ATP8A2: variants seen among roughly 807,000 people sequenced by gnomAD.
ATP8A2 encodes the protein phospholipid-transporting ATPase IB.
Under a neutral mutation model 165.6 loss-of-function variants are expected in ATP8A2, and 100 were observed. The ratio of observed to expected loss-of-function variants is 0.60; its 90% CI spans 0.51 to 0.71. The LOEUF is 0.71. Ranked by LOEUF, ATP8A2 falls within the 30% of genes least tolerant of loss-of-function variation. The pLI is 0.00. For missense variants in ATP8A2, 1,227 were observed against 1,479.5 expected (o/e 0.83, Z 2.80); for synonymous variants, 543 against 548.8 (o/e 0.99, Z 0.15).
Position 25,661,429 on chromosome 13 carries a change from G to C in ATP8A2, c.2212-37744G>C, listed in dbSNP as rs139828775. ...TGACTGGTGTTTTCATTGTGGTAGA[G>C]CCACACAATTTTTGTTTTTGATTGT... is the stretch of plus-strand genomic sequence containing the variant. On this transcript the variant is annotated intron_variant, in intron 24 of 36. Transcript: ENST00000381655. Among the ~76,000 whole-genome samples, 314 of 152,198 alleles carry C rather than the reference G, an allele frequency of 2.1e-3. 1 individual carries two copies. The highest frequency in any genetic ancestry group is 7.2e-3 in the African/African-American group (299 of 41,512).
intron 33 of ATP8A2, among the ~76,000 whole-genome samples, chr13:25,952,691 T>C (rs1955401583): frequency 6.6e-6 from 1 of 152,132 alleles, no homozygotes; most frequent in Admixed American, 6.5e-5. Flanking sequence ...TTCTGTTGCA[T>C]TGCAGAGTTA....
At chr13:25,998,894 G>A (rs750130966) in intron 35 of ATP8A2, among the ~76,000 whole-genome samples, 4 of 152,094 alleles carry the variant, frequency 2.6e-5, no homozygotes, top group Non-Finnish European at 5.9e-5. Context: ...ATATCTTCTG[G>A]AATTTGGAGT....
chr13:26,010,836 C>G (rs1490611735), intron 35 of ATP8A2, among the ~76,000 whole-genome samples: 1 of 152,250 alleles, frequency 6.6e-6, no homozygotes, highest in Non-Finnish European at 1.5e-5. Flanking sequence ...TTTTGCCAAG[C>G]TTAGCTAGCT....
At chr13:25,989,742 C>T (rs374677412) in intron 35 of ATP8A2, among the ~76,000 whole-genome samples, 2 of 152,044 alleles carry the variant, frequency 1.3e-5, no homozygotes, top group South Asian at 2.1e-4. Context: ...AGGATCCTTC[C>T]CACCCTCCAT....
At position 25,699,268 on chromosome 13, in the gene ATP8A2, G is replaced by T; in HGVS notation, c.2307G>T (p.Leu769=). The T allele has an allele frequency of 6.2e-7, 1 of 1,613,906 alleles. No homozygotes were observed. Among genetic ancestry groups the T allele is most frequent in the Middle Eastern group, 1.6e-4 (1 of 6,062 alleles). Residue 769 remains leucine, a synonymous_variant, in exon 25 of 37, where the codon CTG becomes CTT. Coordinates refer to ENST00000381655, the MANE Select transcript of ATP8A2 (RefSeq NM_016529.6). ...CCCTGATCATCGATGGCCACACCCT[G>T]AAGTACGCGCTCTCCTTCGAAGTCC... ...DVALIIDGHT[L]KYALSFEVRR...
intron 33 of ATP8A2, among the ~76,000 whole-genome samples, chr13:25,900,464 A>T (rs747964858): frequency 3.9e-5 from 6 of 152,154 alleles, no homozygotes; most frequent in Non-Finnish European, 7.3e-5. Context: ...TGTCACGTGG[A>T]AGAAGTGAAG....
Position 25,558,962 on chromosome 13 carries a change from C to G in ATP8A2, c.1264-11C>G. 6.4e-7 allele frequency: 1 copy of G among 1,567,062 alleles called. No individual in the cohort carries two copies. The highest frequency in any genetic ancestry group is 8.7e-7 in the Non-Finnish European group (1 of 1,145,226). ...CTTCCTGATGTATATTTCTTTTATT[C>G]TTTGGTTTAGGTGAAATATCTCTTT... On this transcript the variant is annotated splice_polypyrimidine_tract_variant and intron_variant, in intron 13 of 36. Coordinates refer to ENST00000381655, the MANE Select transcript of ATP8A2 (RefSeq NM_016529.6).
chr13:25,933,118 C>G (rs941872822), intron 33 of ATP8A2, among the ~76,000 whole-genome samples: 1 of 152,188 alleles, frequency 6.6e-6, no homozygotes, highest in African/African-American at 2.4e-5. Context: ...AAAGTAATCC[C>G]CAAAGGGATT....
At chr13:25,571,924 G>T in intron 18 of ATP8A2, 1 of 525,174 alleles carries the variant, frequency 1.9e-6, no homozygotes, top group South Asian at 2.2e-5. Flanking sequence ...ACACTGATGT[G>T]AAATTATTTG....
chr13:25,731,478 G>T (rs188972036), intron 25 of ATP8A2, among the ~76,000 whole-genome samples: 1 of 152,092 alleles, frequency 6.6e-6, no homozygotes, highest in African/African-American at 2.4e-5. Flanking sequence ...TTGAACTCTC[G>T]TGCCTGCTAT....
At chr13:25,407,434 TG>T (rs1345794821) in intron 1 of ATP8A2, among the ~76,000 whole-genome samples, 3 of 152,210 alleles carry the variant, frequency 2.0e-5, no homozygotes, top group Non-Finnish European at 2.9e-5. Flanking sequence ...GTATGTATTT[TG>T]GAAAGTGCAA....
chr13:25,596,012 C>A (rs1408870794), intron 24 of ATP8A2, among the ~76,000 whole-genome samples: 1 of 152,176 alleles, frequency 6.6e-6, no homozygotes, highest in Non-Finnish European at 1.5e-5. Flanking sequence ...AATTCTACAA[C>A]CCACAGAATT....
rs573400718 is a variant in ATP8A2, at chr13:25,795,133, T to G, written c.2679+20174T>G. Among the ~76,000 whole-genome samples the G allele has an allele frequency of 3.3e-5, 5 of 152,320 alleles. No homozygotes were observed. In the East Asian group the frequency reaches 9.6e-4, roughly 29 times the overall value. Reference sequence around the variant, plus strand: ...CCTTTAAGACTGGAAAAGTTGTACTTTATATATGCATATGTGAATAGTAGC... The same window carrying G: ...CCTTTAAGACTGGAAAAGTTGTACTGTATATATGCATATGTGAATAGTAGC... On this transcript the variant is annotated intron_variant, in intron 27 of 36. Transcript: ENST00000381655.
At chr13:25,799,405 CT>C (rs1489115480) in intron 27 of ATP8A2, among the ~76,000 whole-genome samples, 4 of 152,150 alleles carry the variant, frequency 2.6e-5, no homozygotes, top group African/African-American at 9.7e-5. Context: ...TTTAGGTTCC[CT>C]TAAATCAAAA....
intron 24 of ATP8A2, among the ~76,000 whole-genome samples, chr13:25,622,251 A>G (rs2040988974): frequency 6.6e-6 from 1 of 151,956 alleles, no homozygotes; most frequent in Non-Finnish European, 1.5e-5. Context: ...GTATATGCCA[A>G]GTTGGAGATG....
chr13:25,885,522 G>A (rs1046029860), intron 33 of ATP8A2, among the ~76,000 whole-genome samples: 1 of 152,088 alleles, frequency 6.6e-6, no homozygotes, highest in Admixed American at 6.5e-5. Flanking sequence ...TGGGGAGGAG[G>A]GCTGGAGCCT....
At chr13:25,540,248 A>C in intron 7 of ATP8A2, 71 bp from the exon 8 acceptor site, 292 of 1,109,940 alleles carry the variant, frequency 2.6e-4, no homozygotes, top group Non-Finnish European at 3.7e-4. Context: ...ATTCCATAAT[A>C]GAGATTTTCT....
intron 33 of ATP8A2, among the ~76,000 whole-genome samples, chr13:25,875,388 T>C (rs928225844): frequency 1.3e-5 from 2 of 151,832 alleles, no homozygotes; most frequent in African/African-American, 4.9e-5. Context: ...TGGTATTCAG[T>C]AAATATTTAA....
At chr13:25,597,496 A>G (rs2040267179) in intron 24 of ATP8A2, among the ~76,000 whole-genome samples, 3 of 152,230 alleles carry the variant, frequency 2.0e-5, no homozygotes. Flanking sequence ...GGAGAGGGCC[A>G]TGTGGCAAGA....
Sources: gnomAD v4.1 joint callset for allele counts (sites outside exome capture counted in the v4.1 genomes callset) on GRCh38, gnomAD v4.1.1 for gene constraint, MANE v1.5 for transcripts, NCBI Gene and HGNC (gene_info 2026-07-23, HGNC 2026-07-21) for gene names.